The following CKAP2L variants were observed in gnomAD, a reference collection of about 807,000 sequenced individuals.
The protein encoded by CKAP2L is cytoskeleton-associated protein 2-like.
Under a neutral mutation model 65.7 loss-of-function variants are expected in CKAP2L, and 42 were observed. The ratio of observed to expected loss-of-function variants is 0.64; its 90% CI spans 0.50 to 0.83. The LOEUF (loss-of-function observed/expected upper bound fraction) is 0.83. Ranked by LOEUF, CKAP2L falls within the 40% of genes least tolerant of loss-of-function variation. CKAP2L has a pLI of 0.00. For missense variants in CKAP2L, 908 were observed against 871.0 expected, an observed-to-expected ratio of 1.04 and a Z score of -0.53; for synonymous variants, 325 against 313.5, an observed-to-expected ratio of 1.04 and a Z score of -0.39.
At position 112,757,093 on chromosome 2, in the gene CKAP2L, A is replaced by C; in HGVS notation, c.278T>G (p.Leu93Trp). Residue 93 changes from leucine to tryptophan, a missense_variant, in exon 4 of 9, where the codon TTG (leucine) becomes TGG (tryptophan). Leu to Trp is a moderately conservative substitution (Grantham distance 61). Coordinates refer to ENST00000302450, the MANE Select transcript of CKAP2L (RefSeq NM_152515.5). ...TTTGCCCAGAAGTTTTGGTGGCTCC[A>C]ACTTCGGCTTCTGGGACCCTGCAGT... The part of the protein sequence containing the change: ...PNTAGSQKPK[L>W]EPPKLLGKRL... 6 of 1,614,208 alleles carry C rather than the reference A, an allele frequency of 3.7e-6. No homozygotes were observed. The highest frequency in any genetic ancestry group is 5.1e-6 in the Non-Finnish European group (6 of 1,180,038).
chr2:112,748,384 A>G (rs1680267059), intron 5 of CKAP2L, among the ~76,000 whole-genome samples: 2 of 152,262 alleles, frequency 1.3e-5, no homozygotes, highest in South Asian at 4.1e-4. Flanking sequence ...TGAAGCAGTC[A>G]CTTAAATTTT....
chr2:112,753,758 C>T (rs1174872611), intron 4 of CKAP2L, among the ~76,000 whole-genome samples: 2 of 152,008 alleles, frequency 1.3e-5, no homozygotes, highest in Admixed American at 1.3e-4. Flanking sequence ...AAACTCCTGA[C>T]CTCAAGTGAT....
chr2:112,752,568 A>G (rs1236641540), intron 4 of CKAP2L, 94 bp from the exon 5 acceptor site: 2 of 768,354 alleles, frequency 2.6e-6, no homozygotes, highest in African/African-American at 1.8e-5. Flanking sequence ...GTATAATTAA[A>G]TACTTTCAAC....
intron 5 of CKAP2L, among the ~76,000 whole-genome samples, chr2:112,749,018 A>T (rs1307142386): frequency 6.6e-6 from 1 of 152,272 alleles, no homozygotes; most frequent in Non-Finnish European, 1.5e-5. Flanking sequence ...TGAGGAAAAA[A>T]TAATTCATGT....
In CKAP2L at chr2:112,756,340, T is replaced by C. The variant is rs772584190; in HGVS notation, c.1031A>G (p.Tyr344Cys). The C allele has an allele frequency of 1.4e-5, 22 of 1,613,750 alleles. No homozygotes were observed. Among genetic ancestry groups the C allele is most frequent in the Admixed American group, 3.3e-5 (2 of 59,972 alleles). Residue 344 changes from tyrosine to cysteine, a missense_variant, in exon 4 of 9, where the codon TAT becomes TGT. Physicochemically the swap from Tyr to Cys is radical, Grantham distance 194 (BLOSUM62 -2). Coordinates refer to ENST00000302450, the MANE Select transcript of CKAP2L (RefSeq NM_152515.5). ...RTYPSLLQGE[Y>C]NNRHPNIKQD... ...CTTGATGTTTGGATGTCTGTTGTTA[T>C]ATTCACCCTGAAGCAAACTGGGGTA...
At chr2:112,760,900 T>A in intron 2 of CKAP2L, 136 bp from the exon 3 acceptor site, 1 of 601,668 alleles carries the variant, frequency 1.7e-6, no homozygotes, top group Non-Finnish European at 3.0e-6. Context: ...TTCAAAATTA[T>A]ATTTAATAAA....
chr2:112,741,145 T>C, intron 7 of CKAP2L, 138 bp from the exon 8 acceptor site: 1 of 662,248 alleles, frequency 1.5e-6, no homozygotes, highest in Non-Finnish European at 2.6e-6. Flanking sequence ...TAGTGATTGA[T>C]TTGAAGTGTG....
intron 6 of CKAP2L, among the ~76,000 whole-genome samples, chr2:112,743,296 C>G (rs1462630549): frequency 6.6e-6 from 1 of 152,100 alleles, no homozygotes; most frequent in Non-Finnish European, 1.5e-5. Context: ...GCGCCCACCA[C>G]CACGCCCAGC....
chr2:112,761,701 T>G (rs1023641407), intron 2 of CKAP2L, among the ~76,000 whole-genome samples: 4 of 152,170 alleles, frequency 2.6e-5, no homozygotes, highest in African/African-American at 4.8e-5. Context: ...TTATGACTTG[T>G]TTGATGTTTG....
chr2:112,756,343 T>C lies in CKAP2L; in HGVS notation c.1028A>G (p.Glu343Gly), dbSNP rs2104883644. 1 of 1,613,728 alleles carries C rather than the reference T, an allele frequency of 6.2e-7. No individual in the cohort carries two copies. Residue 343 changes from glutamate (E) to glycine (G), a missense_variant, in exon 4 of 9, where the codon GAA becomes GGA. Physicochemically the swap from Glu to Gly is moderately conservative, Grantham distance 98. Transcript: ENST00000302450. The part of the protein sequence containing the change: ...PRTYPSLLQG[E>G]YNNRHPNIKQ... Reference sequence around the variant, plus strand: ...GATGTTTGGATGTCTGTTGTTATATTCACCCTGAAGCAAACTGGGGTATGT... The same window carrying C: ...GATGTTTGGATGTCTGTTGTTATATCCACCCTGAAGCAAACTGGGGTATGT...
chr2:112,762,038 G>T (rs1442449569), intron 2 of CKAP2L, among the ~76,000 whole-genome samples: 1 of 152,238 alleles, frequency 6.6e-6, no homozygotes, highest in Non-Finnish European at 1.5e-5. Flanking sequence ...AAGTGGACAT[G>T]TTCTGTCTAC....
At position 112,740,867 on chromosome 2, in the gene CKAP2L, C is replaced by G. The variant is rs758133982; in HGVS notation, c.1963G>C (p.Glu655Gln). The G allele has an allele frequency of 1.2e-6, 2 of 1,613,982 alleles. No homozygotes were observed. Among genetic ancestry groups the G allele is most frequent in the South Asian group, 2.2e-5 (2 of 91,058 alleles). The change falls in exon 8 of 9, where the codon GAA (glutamate) becomes CAA (glutamine). Residue 655 changes from glutamate (E) to glutamine (Q), a missense_variant. By Grantham distance (29) the Glu-to-Gln change is conservative (BLOSUM62 2). Coordinates refer to ENST00000302450, the MANE Select transcript of CKAP2L (RefSeq NM_152515.5). ...TTGATACCAGGATAATTATGCTGTT[C>G]TGCCTTGGCTATTCGGGGTGTCGCC... ...VTATPRIAKA[E>Q]QHNYPGIKLQ...
chr2:112,746,661 C>G (rs1461775007), intron 5 of CKAP2L, 86 bp from the exon 6 acceptor site: 3 of 1,042,440 alleles, frequency 2.9e-6, no homozygotes, highest in African/African-American at 3.2e-5. Flanking sequence ...AGCAGGTATG[C>G]AGAAATTGGT....
At chr2:112,761,820 T>A (rs1481624166) in intron 2 of CKAP2L, among the ~76,000 whole-genome samples, 2 of 152,240 alleles carry the variant, frequency 1.3e-5, no homozygotes, top group Non-Finnish European at 2.9e-5. Flanking sequence ...ACTAAATAAA[T>A]ATTTGTTGAA....
At chr2:112,764,135 A>T (rs1680819739) in intron 1 of CKAP2L, 1 of 228,618 alleles carries the variant, frequency 4.4e-6, no homozygotes, top group Non-Finnish European at 8.9e-6. Context: ...GAGCCCCGCC[A>T]GAGGCAGGAG....
intron 6 of CKAP2L, chr2:112,742,986 A>G: frequency 1.9e-6 from 1 of 530,676 alleles, no homozygotes; most frequent in East Asian, 3.0e-5. Context: ...ACTCGACTTA[A>G]TGAACAGATG....
At position 112,737,678 on chromosome 2, in the gene CKAP2L, T is replaced by TAG. The variant is rs1285468667; in HGVS notation, c.*1143_*1144dup. On this transcript the variant is annotated 3_prime_UTR_variant, in exon 9 of 9. Coordinates refer to ENST00000302450, the MANE Select transcript of CKAP2L (RefSeq NM_152515.5). ...TTATTATAAATCTGACTTTCAGAAA[T>TAG]AGATCTGCTTCCCTTAAAAAAATCT... 2.6e-5 allele frequency: 4 copies of TAG among 152,306 alleles called. No individual in the cohort carries two copies. In the East Asian group the frequency reaches 7.7e-4, roughly 29 times the overall value. The allele number at this position is 152,306 out of a possible 1,614,324, so 9.4% of individuals were successfully genotyped here.
intron 1 of CKAP2L, chr2:112,763,805 G>A (rs1172941814): frequency 1.3e-5 from 2 of 152,244 alleles, no homozygotes; most frequent in African/African-American, 2.4e-5. Flanking sequence ...GGCTGACATA[G>A]GGGGTTGGAG....
At chr2:112,746,890 C>T (rs576432735) in intron 5 of CKAP2L, among the ~76,000 whole-genome samples, 19 of 152,028 alleles carry the variant, frequency 1.2e-4, no homozygotes, top group African/African-American at 4.6e-4. Context: ...CAGGTTCAAG[C>T]AAGTCTCCTG....
Sources: allele counts gnomAD v4.1 joint callset (sites outside exome capture counted in the v4.1 genomes callset), GRCh38; gene constraint gnomAD v4.1.1; transcripts MANE v1.5; gene names NCBI Gene and HGNC (gene_info 2026-07-23, HGNC 2026-07-21).